Variants in ADORA2B observed in about 807,000 individuals in gnomAD.
The protein encoded by ADORA2B is adenosine receptor A2b.
ADORA2B carries 18 observed loss-of-function variants against 20.8 expected under a neutral mutation model. That is an observed-to-expected ratio of 0.87 (90% CI 0.60 to 1.29). ADORA2B has a LOEUF of 1.29. Ranked by LOEUF, ADORA2B falls within the 50% of genes most tolerant of loss-of-function variation. The probability of loss-of-function intolerance (pLI) is 0.00; values close to 1 mark genes in which losing one functional copy is unlikely to be tolerated. For synonymous variants in ADORA2B, 179 were observed against 178.3 expected (o/e 1.00, Z -0.03); for missense variants, 441 against 422.7 (o/e 1.04, Z -0.38).
At chr17:15,873,327 G>A in the ADORA2B span, among the ~76,000 whole-genome samples, 1 of 152,268 alleles carries the variant, frequency 6.6e-6, no homozygotes, top group Admixed American at 6.5e-5. Context: ...CTAGACTTCA[G>A]CCTAGGCGAA....
chr17:15,892,658 T>C, the ADORA2B span, among the ~76,000 whole-genome samples: 3 of 151,466 alleles, frequency 2.0e-5, no homozygotes, highest in African/African-American at 7.3e-5. Context: ...TTCTTTCTTT[T>C]TTTTTTTTTT....
At chr17:15,925,423 A>T in the ADORA2B span, among the ~76,000 whole-genome samples, 1 of 152,166 alleles carries the variant, frequency 6.6e-6, no homozygotes, top group African/African-American at 2.4e-5. Context: ...TACTGGGATT[A>T]CAGGCAGGAG....
At chr17:15,898,029 C>CA in the ADORA2B span, among the ~76,000 whole-genome samples, 1 of 152,004 alleles carries the variant, frequency 6.6e-6, no homozygotes, top group South Asian at 2.1e-4. Flanking sequence ...GTCACACAAG[C>CA]AAAAAATGTC....
At chr17:15,974,373 C>A in intron 1 of ADORA2B, 2 of 286,488 alleles carry the variant, frequency 7.0e-6, no homozygotes, top group Non-Finnish European at 1.3e-5. Flanking sequence ...GTTTGAGAAC[C>A]CACCGAGGAC....
At chr17:15,972,358 C>T (rs115228550) in intron 1 of ADORA2B, among the ~76,000 whole-genome samples, 4,103 of 152,230 alleles carry the variant, frequency 0.027, 184 homozygotes, top group African/African-American at 0.093. Context: ...CAAATTATTT[C>T]CCAGTTTTCT....
intron 1 of ADORA2B, among the ~76,000 whole-genome samples, chr17:15,967,485 C>T (rs1025057265): frequency 2.6e-5 from 4 of 152,238 alleles, no homozygotes; most frequent in Admixed American, 2.0e-4. Flanking sequence ...CCCACCTCGG[C>T]CTCCCAAAGT....
chr17:15,953,536 G>C (rs1969932011), intron 1 of ADORA2B, among the ~76,000 whole-genome samples: 1 of 152,180 alleles, frequency 6.6e-6, no homozygotes. Flanking sequence ...TCCCCACTGT[G>C]AACCGCCAGG....
the ADORA2B span, among the ~76,000 whole-genome samples, chr17:15,910,389 C>T: frequency 6.6e-6 from 1 of 152,154 alleles, no homozygotes; most frequent in Non-Finnish European, 1.5e-5. Flanking sequence ...CCTCCATCTC[C>T]TCGGTTCAAG....
At chr17:15,874,070 A>ATATATATATATG in the ADORA2B span, among the ~76,000 whole-genome samples, 14 of 85,142 alleles carry the variant, frequency 1.6e-4, 1 homozygote, top group African/African-American at 5.1e-4. Context: ...GTGTGTGTGT[A>ATATATATATATG]TATATATATA....
upstream of ADORA2B, among the ~76,000 whole-genome samples, chr17:15,944,173 A>G (rs1356791448): frequency 1.3e-5 from 2 of 152,170 alleles, no homozygotes; most frequent in Non-Finnish European, 2.9e-5. This position sits in a 1 kb window ranked among gnomAD's most constrained non-coding sequence, Gnocchi z 4.8. Flanking sequence ...AATAACGAAC[A>G]GGGTCCCAGG....
intron 1 of ADORA2B, chr17:15,974,007 G>A (rs1402310290): frequency 6.6e-6 from 1 of 152,252 alleles, no homozygotes; most frequent in African/African-American, 2.4e-5. Flanking sequence ...AGACTCCAGT[G>A]CAGTCACGTG....
At chr17:15,933,020 A>G in the ADORA2B span, among the ~76,000 whole-genome samples, 2 of 144,184 alleles carry the variant, frequency 1.4e-5, no homozygotes, top group African/African-American at 5.2e-5. Flanking sequence ...CAGTGGCACC[A>G]TCTCGGCTCA....
chr17:15,955,784 T>C (rs960711758), intron 1 of ADORA2B, among the ~76,000 whole-genome samples: 2 of 150,024 alleles, frequency 1.3e-5, no homozygotes. Flanking sequence ...AGTGGCACAA[T>C]CTTGGCTCAC....
At chr17:15,915,345 C>T in the ADORA2B span, among the ~76,000 whole-genome samples, 2 of 152,228 alleles carry the variant, frequency 1.3e-5, no homozygotes, top group Non-Finnish European at 1.5e-5. Flanking sequence ...GCTATTCTCT[C>T]TATTGCAAGG....
At chr17:15,922,359 A>G in the ADORA2B span, among the ~76,000 whole-genome samples, 1 of 152,156 alleles carries the variant, frequency 6.6e-6, no homozygotes, top group Non-Finnish European at 1.5e-5. Context: ...CTTTTCACTT[A>G]GGCAAATGTC....
chr17:15,884,048 T>C, the ADORA2B span, among the ~76,000 whole-genome samples: 1 of 152,338 alleles, frequency 6.6e-6, no homozygotes, highest in Non-Finnish European at 1.5e-5. Context: ...CCATGACTGC[T>C]CAGAGTCACA....
intron 1 of ADORA2B, among the ~76,000 whole-genome samples, chr17:15,962,145 T>C (rs1326209175): frequency 1.3e-5 from 2 of 151,782 alleles, no homozygotes; most frequent in African/African-American, 4.8e-5. Context: ...TCTACTAAAA[T>C]TACAAAAATT....
chr17:15,947,619 G>T (rs1969826011), intron 1 of ADORA2B, among the ~76,000 whole-genome samples: 1 of 152,178 alleles, frequency 6.6e-6, no homozygotes, highest in African/African-American at 2.4e-5. Flanking sequence ...CCAGCTCCCT[G>T]CCCCAGAGTT....
chr17:15,934,877 G>C, the ADORA2B span, among the ~76,000 whole-genome samples: 1 of 152,084 alleles, frequency 6.6e-6, no homozygotes, highest in African/African-American at 2.4e-5. Flanking sequence ...TGCAGTCTTG[G>C]CTCACTGCAA....
Sources: allele counts gnomAD v4.1 joint callset (sites outside exome capture counted in the v4.1 genomes callset), GRCh38; gene constraint gnomAD v4.1.1; non-coding constraint Gnocchi (gnomAD v3.1); transcripts MANE v1.5; gene names NCBI Gene and HGNC (gene_info 2026-07-23, HGNC 2026-07-21).